Variants in SIX1 observed in about 807,000 individuals in gnomAD.
The protein encoded by SIX1 is SIX homeobox 1.
SIX1 carries 11 observed loss-of-function variants against 26.5 expected under a neutral mutation model. The ratio of observed to expected loss-of-function variants is 0.41; its 90% confidence interval spans 0.26 to 0.69. The LOEUF (loss-of-function observed/expected upper bound fraction) is 0.69, where lower values mean the gene tolerates loss of function less well. Among genes scored for constraint, SIX1 ranks in the 30% least tolerant of loss-of-function variants. The pLI is 0.28. For missense variants in SIX1, 333 were observed against 365.9 expected, an observed-to-expected ratio of 0.91 and a Z score of 0.73; for synonymous variants, 177 against 166.2, an observed-to-expected ratio of 1.06 and a Z score of -0.50.
Position 60,648,659 on chromosome 14 carries a change from T to C in SIX1, c.531A>G (p.Gln177=). The C allele has an allele frequency of 6.2e-7, 1 of 1,614,016 alleles. No homozygotes were observed. Among genetic ancestry groups the C allele is most frequent in the Non-Finnish European group, 8.5e-7 (1 of 1,179,956 alleles). ...CCTTGGCCTCCGCGGCCCGGTCTCT[T>C]TGCCTCCGGTTCTTAAACCAGTTGC... ...QVSNWFKNRR[Q]RDRAAEAKER... Residue 177 remains glutamine (Q), a synonymous_variant, in exon 1 of 2, where the codon CAA becomes CAG. Transcript: ENST00000645694. The surrounding 1 kb of genome is among the most constrained non-coding windows in gnomAD (Gnocchi z 7.9).
rs1433285476 is a variant in SIX1 at position 60,648,148 on chromosome 14, A to C, written c.560+482T>G. ...CTCTAAACCAAAAGACTATCAAGAG[A>C]GAGCTGTGGAGAACCAGGCGGGAGT... On this transcript the variant is annotated intron_variant, in intron 1 of 1. Coordinates refer to ENST00000645694, the MANE Select transcript of SIX1 (RefSeq NM_005982.4). The surrounding 1 kb of genome is among the most constrained non-coding windows in gnomAD (Gnocchi z 7.9). 6.6e-6 allele frequency among the ~76,000 whole-genome samples: 1 copy of C among 152,220 alleles called. No individual in the cohort carries two copies. Among genetic ancestry groups the C allele is most frequent in the Non-Finnish European group, 1.5e-5 (1 of 68,044 alleles).
Position 60,644,484 on chromosome 14 carries a change from C to T in SIX1, c.*1799G>A, listed in dbSNP as rs1894907117. 1 of 97,592 alleles carries T rather than the reference C, an allele frequency of 1.0e-5. No individual in the cohort carries two copies. Among genetic ancestry groups the T allele is most frequent in the South Asian group, 3.2e-4 (1 of 3,130 alleles). The allele number at this position is 97,592 out of a possible 1,614,324, so 6.0% of individuals were successfully genotyped here. A position where few individuals can be genotyped will look rare whatever the true frequency, so the allele number is the denominator to read the frequency against. ...GACCATTTCTCCCTGGAACTCAAAG[C>T]TATTTGACAGTTTTAAAAAATAAGG... On this transcript the variant is annotated 3_prime_UTR_variant, in exon 2 of 2. Coordinates refer to ENST00000645694, the MANE Select transcript of SIX1 (RefSeq NM_005982.4).
In SIX1 at chr14:60,643,607, T is replaced by G. The variant is rs926996317; in HGVS notation, c.*2676A>C. On this transcript the variant is annotated 3_prime_UTR_variant, in exon 2 of 2. Transcript: ENST00000645694. ...AACTGGAGGTCCCTTAACAGCTGGTTCTCGAAGATTTCCTCGAGGGAAGAA... is the reference window on the plus strand; with the variant it reads ...AACTGGAGGTCCCTTAACAGCTGGTGCTCGAAGATTTCCTCGAGGGAAGAA... 3 of 152,086 alleles carry G rather than the reference T, an allele frequency of 2.0e-5. No homozygotes were observed. Among genetic ancestry groups the G allele is most frequent in the Non-Finnish European group, 4.4e-5 (3 of 68,020 alleles). The allele number at this position is 152,086 out of a possible 1,614,324, so 9.4% of individuals were successfully genotyped here.
In SIX1 at chr14:60,646,363, C is replaced by A. The variant is rs779084301; in HGVS notation, c.775G>T (p.Gly259Cys). 2 of 1,613,920 alleles carry A rather than the reference C, an allele frequency of 1.2e-6. No individual in the cohort carries two copies. The highest frequency in any genetic ancestry group is 3.3e-5 in the Admixed American group (2 of 59,980). ...PGLTASQPSH[G>C]LQTHQHQLQD... ...AGCTGATGCTGGTGGGTCTGCAGGC[C>A]GTGACTGGGCTGCGAGGCTGTTAAG... The change falls in exon 2 of 2, where the codon GGC becomes TGC. Residue 259 changes from glycine (G) to cysteine (C), a missense_variant. Around this residue, in one of 3 missense-constraint regions of SIX1, gnomAD observed 199 missense variants for 215.2 expected, o/e 0.92. Transcript: ENST00000645694.
rs1405902505 is a variant in SIX1 at position 60,647,715 on chromosome 14, T to C, written c.560+915A>G. Among the ~76,000 whole-genome samples, 1 of 152,058 alleles carries C rather than the reference T, an allele frequency of 6.6e-6. No homozygotes were observed. The highest frequency in any genetic ancestry group is 1.5e-5 in the Non-Finnish European group (1 of 68,016). On this transcript the variant is annotated intron_variant, in intron 1 of 1. Coordinates refer to ENST00000645694, the MANE Select transcript of SIX1 (RefSeq NM_005982.4). The surrounding 1 kb of genome is among the most constrained non-coding windows in gnomAD (Gnocchi z 5.1). ...GCGCTCAGGTTTTCCCCCAAACTCT[T>C]TGGCTTCGCGGAGCGCTCTCCCCGC...
In SIX1 at chr14:60,649,202, C is replaced by CCGGGGCG. The variant is rs1566722510; in HGVS notation, c.-20_-14dup. The CCGGGGCG allele has an allele frequency of 6.2e-7, 1 of 1,603,060 alleles. No individual in the cohort carries two copies. ...GCAGCATCGACATGGCTGGGGCCTG[C>CCGGGGCG]CGGGGCGCACGGCCCAGGCGCACGC... On this transcript the variant is annotated 5_prime_UTR_variant, in exon 1 of 2. Coordinates refer to ENST00000645694, the MANE Select transcript of SIX1 (RefSeq NM_005982.4). This position sits in a 1 kb window ranked among gnomAD's most constrained non-coding sequence, Gnocchi z 5.1.
At position 60,649,396 on chromosome 14, in the gene SIX1, C is replaced by A. The variant is rs1895020709; in HGVS notation, c.-207G>T. The A allele has an allele frequency of 1.7e-6, 1 of 576,702 alleles. No homozygotes were observed. Among genetic ancestry groups the A allele is most frequent in the Middle Eastern group, 4.6e-4 (1 of 2,176 alleles). 35.7% of individuals were successfully genotyped at this position (576,702 alleles called of 1,614,324 possible). A position where few individuals can be genotyped will look rare whatever the true frequency, so the allele number is the denominator to read the frequency against. Reference sequence around the variant, plus strand: ...AGTAGGGGAGGTTCTGGACACGGAACGGCCGGCGCACTCAGTAGCCTTTAA... The same window carrying A: ...AGTAGGGGAGGTTCTGGACACGGAAAGGCCGGCGCACTCAGTAGCCTTTAA... On this transcript the variant is annotated 5_prime_UTR_variant, in exon 1 of 2. Coordinates refer to ENST00000645694, the MANE Select transcript of SIX1 (RefSeq NM_005982.4). The surrounding 1 kb of genome is among the most constrained non-coding windows in gnomAD (Gnocchi z 5.1).
Position 60,649,071 on chromosome 14 carries a change from C to T in SIX1, c.119G>A (p.Cys40Tyr). The T allele has an allele frequency of 6.2e-7, 1 of 1,613,804 alleles. No individual in the cohort carries two copies. Among genetic ancestry groups the T allele is most frequent in the Non-Finnish European group, 8.5e-7 (1 of 1,179,932 alleles). ...GCTCTCGTTCTTGTGCAGGTGGTCG[C>T]AGGCGGGCAGTGACCACAGGAACCT... ...LGRFLWSLPACDHLHKNESVL... is the reference protein window; with the variant it reads ...LGRFLWSLPAYDHLHKNESVL... The change falls in exon 1 of 2, where the codon TGC becomes TAC. Residue 40 changes from cysteine (C) to tyrosine (Y), a missense_variant. Coordinates refer to ENST00000645694, the MANE Select transcript of SIX1 (RefSeq NM_005982.4). This position sits in a 1 kb window ranked among gnomAD's most constrained non-coding sequence, Gnocchi z 5.1.
Position 60,648,668 on chromosome 14 carries a change from G to A in SIX1, c.522C>T (p.Asn174=), listed in dbSNP as rs1194530244. The change falls in exon 1 of 2, where the codon AAC becomes AAT. Residue 174 remains asparagine, a synonymous_variant. Transcript: ENST00000645694. This position sits in a 1 kb window ranked among gnomAD's most constrained non-coding sequence, Gnocchi z 7.9. ...TTTQVSNWFK[N]RRQRDRAAEA... ...CCGCGGCCCGGTCTCTTTGCCTCCG[G>A]TTCTTAAACCAGTTGCTGACCTGGG... 1 of 1,614,150 alleles carries A rather than the reference G, an allele frequency of 6.2e-7. No homozygotes were observed. The highest frequency in any genetic ancestry group is 1.7e-5 in the Admixed American group (1 of 60,022).
rs1389699235 is a variant in SIX1, at chr14:60,646,163, T to C, written c.*120A>G. 3.2e-6 allele frequency: 3 copies of C among 925,476 alleles called. No individual in the cohort carries two copies. The highest frequency in any genetic ancestry group is 1.7e-5 in the African/African-American group (1 of 60,466). 57.3% of individuals were successfully genotyped at this position (925,476 alleles called of 1,614,324 possible). On this transcript the variant is annotated 3_prime_UTR_variant, in exon 2 of 2. Transcript: ENST00000645694. ...TTTGTGAAAGTCCACCATTCCTTTA[T>C]GCGCAAACAACTCCAGAAACAAGCT...
Position 60,647,713 on chromosome 14 carries a change from CTT to C in SIX1, c.560+915_560+916del, listed in dbSNP as rs1894975422. On this transcript the variant is annotated intron_variant, in intron 1 of 1. Transcript: ENST00000645694. The surrounding 1 kb of genome is among the most constrained non-coding windows in gnomAD (Gnocchi z 5.1). ...CTGCGCTCAGGTTTTCCCCCAAACTCTTTGGCTTCGCGGAGCGCTCTCCCCGC... is the reference window on the plus strand; with the variant it reads ...CTGCGCTCAGGTTTTCCCCCAAACTCTGGCTTCGCGGAGCGCTCTCCCCGC... 6.6e-6 allele frequency among the ~76,000 whole-genome samples: 1 copy of C among 152,196 alleles called. No homozygotes were observed. The highest frequency in any genetic ancestry group is 2.1e-4 in the South Asian group (1 of 4,824).
At position 60,649,179 on chromosome 14, in the gene SIX1, A is replaced by C; in HGVS notation, c.11T>G (p.Leu4Arg). The C allele has an allele frequency of 6.2e-7, 1 of 1,608,874 alleles. No individual in the cohort carries two copies. Among genetic ancestry groups the C allele is most frequent in the Non-Finnish European group, 8.5e-7 (1 of 1,179,888 alleles). The change falls in exon 1 of 2, where the codon CTG becomes CGG. Residue 4 changes from leucine to arginine, a missense_variant. This residue lies in a region of SIX1 where 133 missense variants were observed against 131.8 expected (regional missense o/e 1.01). Transcript: ENST00000645694. This position sits in a 1 kb window ranked among gnomAD's most constrained non-coding sequence, Gnocchi z 5.1. Reference protein sequence around the residue: MSMLPSFGFTQEQV... With the variant: MSMRPSFGFTQEQV... ...CTCCTGCGTAAAGCCAAACGACGGC[A>C]GCATCGACATGGCTGGGGCCTGCCG...
At position 60,647,300 on chromosome 14, in the gene SIX1, G is replaced by GCTA; in HGVS notation, c.561-726_561-724dup. Among the ~76,000 whole-genome samples the GCTA allele has an allele frequency of 6.6e-6, 1 of 152,304 alleles. No individual in the cohort carries two copies. Among genetic ancestry groups the GCTA allele is most frequent in the African/African-American group, 2.4e-5 (1 of 41,576 alleles). On this transcript the variant is annotated intron_variant, in intron 1 of 1. Transcript: ENST00000645694. This position sits in a 1 kb window ranked among gnomAD's most constrained non-coding sequence, Gnocchi z 5.1. Reference sequence around the variant, plus strand: ...TACAATCCCTGTTCCTGTGTTACTTGCTAACTCTTCAGCCCCTCGTGTCCC... The same window carrying GCTA: ...TACAATCCCTGTTCCTGTGTTACTTGCTACTAACTCTTCAGCCCCTCGTGTCCC...
In SIX1 at chr14:60,648,696, G is replaced by A. The variant is rs143516729; in HGVS notation, c.494C>T (p.Thr165Ile). ...CTTAAACCAGTTGCTGACCTGGGTGGTGGTGAGGCCGGTGGCCTCGGCCAG... is the reference window on the plus strand; with the variant it reads ...CTTAAACCAGTTGCTGACCTGGGTGATGGTGAGGCCGGTGGCCTCGGCCAG... ...RELAEATGLT[T>I]TQVSNWFKNR... The change falls in exon 1 of 2, where the codon ACC becomes ATC. Residue 165 changes from threonine (T) to isoleucine (I), a missense_variant. Around this residue, in one of 3 missense-constraint regions of SIX1, gnomAD observed 199 missense variants for 215.2 expected, o/e 0.92. Coordinates refer to ENST00000645694, the MANE Select transcript of SIX1 (RefSeq NM_005982.4). The surrounding 1 kb of genome is among the most constrained non-coding windows in gnomAD (Gnocchi z 7.9). 52 of 1,613,982 alleles carry A rather than the reference G, an allele frequency of 3.2e-5. No homozygotes were observed. The highest frequency in any genetic ancestry group is 4.3e-5 in the Non-Finnish European group (51 of 1,179,950).
In SIX1 at chr14:60,646,318, G is replaced by T; in HGVS notation, c.820C>A (p.Pro274Thr). Reference sequence around the variant, plus strand: ...AAGTCCACCAGACTGGAGGTGAGGGGGCCGAGCAGAGAGTCTTGGAGCTGA... The same window carrying T: ...AAGTCCACCAGACTGGAGGTGAGGGTGCCGAGCAGAGAGTCTTGGAGCTGA... ...QHQLQDSLLG[P>T]LTSSLVDLGS Residue 274 changes from proline to threonine, a missense_variant, in exon 2 of 2, where the codon CCC becomes ACC. Pro to Thr is a conservative substitution (Grantham distance 38). Transcript: ENST00000645694. 6.2e-7 allele frequency: 1 copy of T among 1,613,586 alleles called. No individual in the cohort carries two copies. Among genetic ancestry groups the T allele is most frequent in the Non-Finnish European group, 8.5e-7 (1 of 1,179,758 alleles).
Position 60,648,898 on chromosome 14 carries a change from G to T in SIX1, c.292C>A (p.Leu98Met), listed in dbSNP as rs1451985437. ...ACGGCGCCCAGGGGTCGGCCGCGCA[G>T]CTTCTCGGCCTCCACGTAATGCGCC... ...LKAHYVEAEK[L>M]RGRPLGAVGK... The change falls in exon 1 of 2, where the codon CTG becomes ATG. Residue 98 changes from leucine (L) to methionine (M), a missense_variant. By Grantham distance (15) the Leu-to-Met change is conservative (BLOSUM62 2). Coordinates refer to ENST00000645694, the MANE Select transcript of SIX1 (RefSeq NM_005982.4). This position sits in a 1 kb window ranked among gnomAD's most constrained non-coding sequence, Gnocchi z 7.9. 11 of 1,614,128 alleles carry T rather than the reference G, an allele frequency of 6.8e-6. No individual in the cohort carries two copies. Among genetic ancestry groups the T allele is most frequent in the African/African-American group, 2.7e-5 (2 of 74,958 alleles).
chr14:60,646,527 G>A lies in SIX1; in HGVS notation c.611C>T (p.Ser204Phe). The A allele has an allele frequency of 1.2e-6, 2 of 1,611,482 alleles. No homozygotes were observed. The change falls in exon 2 of 2, where the codon TCT (serine) becomes TTT (phenylalanine). Residue 204 changes from serine (S) to phenylalanine (F), a missense_variant. By Grantham distance (155) the Ser-to-Phe change is radical. Transcript: ENST00000645694. ...GAGCGGCTTGCCCCCTTCCAGAGGAGAGAGTTGGTTCTGCTTGTTGGAGGA... is the reference window on the plus strand; with the variant it reads ...GAGCGGCTTGCCCCCTTCCAGAGGAAAGAGTTGGTTCTGCTTGTTGGAGGA... ...NSSSNKQNQL[S>F]PLEGGKPLMS...
rs1894976468 is a variant in SIX1, at chr14:60,647,788, T to C, written c.560+842A>G. 1.3e-5 allele frequency among the ~76,000 whole-genome samples: 2 copies of C among 152,194 alleles called. No homozygotes were observed. Among genetic ancestry groups the C allele is most frequent in the Admixed American group, 1.3e-4 (2 of 15,290 alleles). The stretch of plus-strand genomic sequence containing the variant: ...TTCTGAATCTCTGTCCGAAACGCTA[T>C]AGAGAACAGAAGGAGCCTGCCCAGG... On this transcript the variant is annotated intron_variant, in intron 1 of 1. Transcript: ENST00000645694. This position sits in a 1 kb window ranked among gnomAD's most constrained non-coding sequence, Gnocchi z 5.1.
chr14:60,646,165 C>T lies in SIX1; in HGVS notation c.*118G>A, dbSNP rs1013155666. The T allele has an allele frequency of 2.5e-5, 24 of 954,456 alleles. No homozygotes were observed. The highest frequency in any genetic ancestry group is 6.7e-4 in the Middle Eastern group (2 of 2,998). The allele number at this position is 954,456 out of a possible 1,614,324, so 59.1% of individuals were successfully genotyped here. ...TGTGAAAGTCCACCATTCCTTTATGCGCAAACAACTCCAGAAACAAGCTGC... is the reference window on the plus strand; with the variant it reads ...TGTGAAAGTCCACCATTCCTTTATGTGCAAACAACTCCAGAAACAAGCTGC... On this transcript the variant is annotated 3_prime_UTR_variant, in exon 2 of 2. Transcript: ENST00000645694.
Sources: gnomAD v4.1 joint callset for allele counts (sites outside exome capture counted in the v4.1 genomes callset) on GRCh38, gnomAD v4.1.1 for gene constraint, gnomAD v4.1.1 regional missense constraint, Gnocchi (gnomAD v3.1) non-coding constraint, MANE v1.5 for transcripts, NCBI Gene and HGNC (gene_info 2026-07-23, HGNC 2026-07-21) for gene names.